The following CLNK variants were observed in gnomAD, a reference collection of about 807,000 sequenced individuals.
The protein encoded by CLNK is cytokine-dependent hematopoietic cell linker.
Under a neutral mutation model 68.6 loss-of-function variants are expected in CLNK, and 74 were observed. The ratio of observed to expected loss-of-function variants is 1.08; its 90% CI spans 0.89 to 1.31. The LOEUF is 1.31. CLNK is among the 50% of genes most tolerant of loss of function. CLNK has a pLI of 0.00. For missense variants in CLNK, 553 were observed against 515.3 expected, an observed-to-expected ratio of 1.07 and a Z score of -0.71; for synonymous variants, 198 against 172.2, an observed-to-expected ratio of 1.15 and a Z score of -1.17.
intron 11 of CLNK, among the ~76,000 whole-genome samples, chr4:10,537,726 T>TCTTTCTTTCTTTCTTTCTTTCTTA (rs1718851175): frequency 7.8e-6 from 1 of 127,988 alleles, no homozygotes; most frequent in African/African-American, 3.0e-5. Context: ...TTTCTTTCTT[T>TCTTTCTTTCTTTCTTTCTTTCTTA]CTTTCTTTCT....
chr4:10,546,320 T>C (rs1464802810), intron 8 of CLNK, among the ~76,000 whole-genome samples: 4 of 152,238 alleles, frequency 2.6e-5, no homozygotes, highest in East Asian at 3.9e-4. Context: ...CAGCTCCTTC[T>C]ATATTTTGCT....
At chr4:10,491,947 G>A (rs559202864) in intron 18 of CLNK, among the ~76,000 whole-genome samples, 1 of 152,114 alleles carries the variant, frequency 6.6e-6, no homozygotes, top group African/African-American at 2.4e-5. Context: ...CCCTCTCTGA[G>A]CCTTCAATGT....
At chr4:10,499,945 A>G (rs182896241) in intron 18 of CLNK, among the ~76,000 whole-genome samples, 29 of 152,240 alleles carry the variant, frequency 1.9e-4, no homozygotes, top group African/African-American at 6.0e-4. Flanking sequence ...TCAAAGCCCT[A>G]TCTTCAAATA....
At position 10,599,429 on chromosome 4, in the gene CLNK, A is replaced by G. The variant is rs563637291; in HGVS notation, c.12-1380T>C. ...AAAGATGATGGCTTATTTCATTATC[A>G]TTAATTTCATTCTTTATTTTAAAAT... is the stretch of plus-strand genomic sequence containing the variant. On this transcript the variant is annotated intron_variant, in intron 2 of 18. Transcript: ENST00000226951. Among the ~76,000 whole-genome samples the G allele has an allele frequency of 2.0e-5, 3 of 152,324 alleles. No homozygotes were observed. In the South Asian group the frequency reaches 6.2e-4, roughly 32 times the overall value.
rs33954033 is a variant in CLNK at position 10,676,393 on chromosome 4, C to CT, written c.-43+8274dup. Among the ~76,000 whole-genome samples, 253 of 134,372 alleles carry CT rather than the reference C, an allele frequency of 1.9e-3. 2 individuals carry two copies. The highest frequency in any genetic ancestry group is 2.2e-3 in the African/African-American group (79 of 36,108). The allele number at this position is 134,372 out of a possible 152,430, so 88.2% of individuals were successfully genotyped here. A position where few individuals can be genotyped will look rare whatever the true frequency, so the allele number is the denominator to read the frequency against. On this transcript the variant is annotated intron_variant, in intron 1 of 18. Transcript: ENST00000226951. ...TCAAATGCATTGTTATTATAGATTTCTTTTTTTTTTTTTTTGAGGGGTAAG... is the reference window on the plus strand; with the variant it reads ...TCAAATGCATTGTTATTATAGATTTCTTTTTTTTTTTTTTTTGAGGGGTAAG...
At chr4:10,653,980 T>G (rs573737901) in intron 2 of CLNK, among the ~76,000 whole-genome samples, 2 of 152,136 alleles carry the variant, frequency 1.3e-5, no homozygotes, top group Non-Finnish European at 2.9e-5. Context: ...TAGCTGAAAA[T>G]CTTCCCTCAA....
At chr4:10,606,987 G>C (rs994896354) in intron 2 of CLNK, among the ~76,000 whole-genome samples, 1 of 152,206 alleles carries the variant, frequency 6.6e-6, no homozygotes, top group Non-Finnish European at 1.5e-5. Context: ...TCTTAAATTA[G>C]ATACACATAT....
chr4:10,621,303 G>A (rs1402826634), intron 2 of CLNK, among the ~76,000 whole-genome samples: 1 of 152,126 alleles, frequency 6.6e-6, no homozygotes, highest in Non-Finnish European at 1.5e-5. Flanking sequence ...TTGAGGGCAG[G>A]GACTGTATTT....
the CLNK span, among the ~76,000 whole-genome samples, chr4:10,718,302 C>A: frequency 6.6e-6 from 1 of 152,070 alleles, no homozygotes; most frequent in Admixed American, 6.5e-5. Flanking sequence ...CATAAATCCA[C>A]ATATTCAAGA....
At chr4:10,530,336 G>C (rs1332903467) in intron 12 of CLNK, among the ~76,000 whole-genome samples, 1 of 152,142 alleles carries the variant, frequency 6.6e-6, no homozygotes. Flanking sequence ...TGAGCAGAGG[G>C]AGGTAGCACA....
At chr4:10,493,508 G>A (rs1365111610) in intron 18 of CLNK, among the ~76,000 whole-genome samples, 1 of 152,044 alleles carries the variant, frequency 6.6e-6, no homozygotes, top group Non-Finnish European at 1.5e-5. Context: ...CTTTTACAAG[G>A]GAACGAATCT....
At chr4:10,686,560 T>A (rs559885290), upstream of CLNK, among the ~76,000 whole-genome samples, 14 of 151,116 alleles carry the variant, frequency 9.3e-5, 1 homozygote, top group South Asian at 2.9e-3. Context: ...ACGGTGGGTT[T>A]GGGGCACTAA....
At position 10,648,297 on chromosome 4, in the gene CLNK, C is replaced by A. The variant is rs561740716; in HGVS notation, c.11+19562G>T. 3.9e-5 allele frequency among the ~76,000 whole-genome samples: 6 copies of A among 152,170 alleles called. 1 individual carries two copies. The South Asian group carries it at 8.3e-4, about 21-fold the overall frequency. On this transcript the variant is annotated intron_variant, in intron 2 of 18. Transcript: ENST00000226951. Reference sequence around the variant, plus strand: ...CTTTTATGTAATAGATGAAACTGACCAATTTATCTGTGTCTCAAATGCTAT... The same window carrying A: ...CTTTTATGTAATAGATGAAACTGACAAATTTATCTGTGTCTCAAATGCTAT...
the CLNK span, among the ~76,000 whole-genome samples, chr4:10,705,496 T>G: frequency 6.6e-6 from 1 of 152,118 alleles, no homozygotes; most frequent in Non-Finnish European, 1.5e-5. Context: ...CAGGGTCCAA[T>G]TCCTTTCCTT....
chr4:10,590,181 A>T (rs1721133729), intron 3 of CLNK, among the ~76,000 whole-genome samples: 1 of 152,266 alleles, frequency 6.6e-6, no homozygotes, highest in Non-Finnish European at 1.5e-5. Context: ...CATTACAAAT[A>T]CAGATTTTTA....
At chr4:10,699,502 A>C in the CLNK span, among the ~76,000 whole-genome samples, 47 of 23,882 alleles carry the variant, frequency 2.0e-3, no homozygotes, top group Non-Finnish European at 2.8e-3. Flanking sequence ...CTCTATATAT[A>C]TATATATATA....
intron 12 of CLNK, among the ~76,000 whole-genome samples, chr4:10,530,539 G>T (rs1718493735): frequency 6.6e-6 from 1 of 152,204 alleles, no homozygotes; most frequent in African/African-American, 2.4e-5. Flanking sequence ...TTCTTTAGAT[G>T]ATATCAACTT....
chr4:10,625,432 C>G (rs1432369116), intron 2 of CLNK, among the ~76,000 whole-genome samples: 1 of 152,178 alleles, frequency 6.6e-6, no homozygotes, highest in African/African-American at 2.4e-5. Flanking sequence ...TGCTCTCTTT[C>G]CAACAGACTG....
At chr4:10,533,223 C>T (rs1170204357) in intron 11 of CLNK, among the ~76,000 whole-genome samples, 1 of 152,218 alleles carries the variant, frequency 6.6e-6, no homozygotes, top group African/African-American at 2.4e-5. Flanking sequence ...TCATCCACTG[C>T]ACTCCAGCCT....
Sources: gnomAD v4.1 joint callset for allele counts (sites outside exome capture counted in the v4.1 genomes callset) on GRCh38, gnomAD v4.1.1 for gene constraint, MANE v1.5 for transcripts, NCBI Gene and HGNC (gene_info 2026-07-23, HGNC 2026-07-21) for gene names.